ZNF704: variants seen among roughly 807,000 people sequenced by gnomAD.
ZNF704 encodes zinc finger protein 704.
ZNF704 carries 10 observed loss-of-function variants against 44.7 expected under a neutral mutation model. That is an observed-to-expected ratio of 0.22 (90% CI 0.14 to 0.38). The LOEUF is 0.38. Ranked by LOEUF, ZNF704 falls within the 10% of genes least tolerant of loss-of-function variation. The pLI is 1.00. For synonymous variants in ZNF704, 211 were observed against 207.6 expected, an observed-to-expected ratio of 1.02 and a Z score of -0.14; for missense variants, 390 against 545.5, an observed-to-expected ratio of 0.71 and a Z score of 2.84.
chr8:80,864,444 T>C (rs1422771051), intron 1 of ZNF704, among the ~76,000 whole-genome samples: 4 of 152,226 alleles, frequency 2.6e-5, no homozygotes, highest in Non-Finnish European at 5.9e-5. Context: ...CCTTGGCATA[T>C]ATAGTCAGTA....
the ZNF704 span, among the ~76,000 whole-genome samples, chr8:80,880,388 A>G: frequency 2.6e-5 from 4 of 152,248 alleles, no homozygotes; most frequent in South Asian, 4.1e-4. Flanking sequence ...AAAGGCCACC[A>G]TATGTTATAA....
intron 4 of ZNF704, among the ~76,000 whole-genome samples, chr8:80,684,983 C>T (rs950879438): frequency 2.0e-5 from 3 of 152,046 alleles, no homozygotes; most frequent in Non-Finnish European, 4.4e-5. Context: ...TGGCTACAAT[C>T]AGCATCCTAT....
At chr8:80,853,328 A>C (rs973700553) in intron 1 of ZNF704, among the ~76,000 whole-genome samples, 1 of 152,242 alleles carries the variant, frequency 6.6e-6, no homozygotes, top group Non-Finnish European at 1.5e-5. Context: ...CGTTTGCACC[A>C]CTGCACTCCA....
chr8:80,807,655 A>G (rs1023127312), intron 2 of ZNF704, among the ~76,000 whole-genome samples: 9 of 149,708 alleles, frequency 6.0e-5, no homozygotes, highest in African/African-American at 2.3e-4. Context: ...TTGCATTTAA[A>G]AAAGTATAAA....
At chr8:80,860,458 G>A (rs1487062450) in intron 1 of ZNF704, among the ~76,000 whole-genome samples, 1 of 152,186 alleles carries the variant, frequency 6.6e-6, no homozygotes, top group Non-Finnish European at 1.5e-5. Flanking sequence ...CTGCTACATG[G>A]TCTAGTTTGT....
chr8:80,765,963 C>T (rs941221066), intron 2 of ZNF704, among the ~76,000 whole-genome samples: 1 of 151,822 alleles, frequency 6.6e-6, no homozygotes, highest in Non-Finnish European at 1.5e-5. Flanking sequence ...TAGTTTACTG[C>T]GTATGTAAGA....
intron 2 of ZNF704, among the ~76,000 whole-genome samples, chr8:80,728,443 C>T (rs962545139): frequency 8.5e-5 from 13 of 152,284 alleles, no homozygotes; most frequent in African/African-American, 2.9e-4. Flanking sequence ...GAATATCTTC[C>T]ACGCCTGGCA....
rs1007943013 is a variant in ZNF704 at position 80,860,474 on chromosome 8, T to C, written c.-22+14097A>G. Among the ~76,000 whole-genome samples, 10 of 152,364 alleles carry C rather than the reference T, an allele frequency of 6.6e-5. 1 individual carries two copies. The Middle Eastern group carries it at 0.02, about 311-fold the overall frequency. On this transcript the variant is annotated intron_variant, in intron 1 of 8. Coordinates refer to ENST00000327835, the MANE Select transcript of ZNF704 (RefSeq NM_001033723.3). ...TGCTACATGGTCTAGTTTGTCTAACTATAATGTGTTGGTCTTTCTCCTGTT... is the reference window on the plus strand; with the variant it reads ...TGCTACATGGTCTAGTTTGTCTAACCATAATGTGTTGGTCTTTCTCCTGTT...
intron 7 of ZNF704, among the ~76,000 whole-genome samples, chr8:80,654,178 C>T (rs1368228331): frequency 6.6e-6 from 1 of 151,910 alleles, no homozygotes. Flanking sequence ...ACACCTTATA[C>T]AAAAATTAAT....
At chr8:80,669,346 T>C (rs896497200) in intron 5 of ZNF704, among the ~76,000 whole-genome samples, 1 of 152,192 alleles carries the variant, frequency 6.6e-6, no homozygotes, top group African/African-American at 2.4e-5. Flanking sequence ...GAGGGTGTTC[T>C]TCCCTGAGGT....
intron 6 of ZNF704, among the ~76,000 whole-genome samples, chr8:80,661,450 C>T (rs1339355187): frequency 6.6e-6 from 1 of 152,140 alleles, no homozygotes; most frequent in African/African-American, 2.4e-5. Flanking sequence ...GGGTATTTAT[C>T]TAAAGGAAAG....
At chr8:80,711,993 G>T (rs1346474837) in intron 2 of ZNF704, among the ~76,000 whole-genome samples, 2 of 152,142 alleles carry the variant, frequency 1.3e-5, no homozygotes, top group Non-Finnish European at 2.9e-5. Flanking sequence ...CTTAACAAAT[G>T]CTCTGCTATG....
chr8:80,642,052 G>T (rs1319967191), intron 8 of ZNF704, among the ~76,000 whole-genome samples: 1 of 152,184 alleles, frequency 6.6e-6, no homozygotes, highest in Non-Finnish European at 1.5e-5. Context: ...TTTTAAGTAG[G>T]TACTTTCAAA....
intron 7 of ZNF704, among the ~76,000 whole-genome samples, chr8:80,648,893 TGATG>T (rs1429560055): frequency 1.3e-5 from 2 of 152,224 alleles, no homozygotes; most frequent in Non-Finnish European, 2.9e-5. Flanking sequence ...CACTTCCGAA[TGATG>T]TCAAAGCCCT....
rs561781953 is a variant in ZNF704 at position 80,657,072 on chromosome 8, G to A, written c.1032+2513C>T. Reference sequence around the variant, plus strand: ...AGCATTCAGGGACAGCTGCTGGCATGCTGTCCGTGGGTGTACAACAGTCCT... The same window carrying A: ...AGCATTCAGGGACAGCTGCTGGCATACTGTCCGTGGGTGTACAACAGTCCT... On this transcript the variant is annotated intron_variant, in intron 7 of 8. Coordinates refer to ENST00000327835, the MANE Select transcript of ZNF704 (RefSeq NM_001033723.3). Among the ~76,000 whole-genome samples the A allele has an allele frequency of 1.8e-4, 28 of 152,266 alleles. No homozygotes were observed. In the East Asian group the frequency reaches 5.0e-3, roughly 27 times the overall value.
chr8:80,647,529 C>T (rs1403913420), intron 7 of ZNF704, among the ~76,000 whole-genome samples: 1 of 152,204 alleles, frequency 6.6e-6, no homozygotes, highest in Non-Finnish European at 1.5e-5. Context: ...GGACAGCAGA[C>T]AGCCTGGAAA....
chr8:80,770,488 T>C (rs1807302030), intron 2 of ZNF704, among the ~76,000 whole-genome samples: 2 of 152,222 alleles, frequency 1.3e-5, no homozygotes, highest in Non-Finnish European at 2.9e-5. Context: ...TTCTGTGTGC[T>C]TATTTGCTAT....
intron 1 of ZNF704, among the ~76,000 whole-genome samples, chr8:80,839,278 T>C (rs969197788): frequency 6.6e-6 from 1 of 152,210 alleles, no homozygotes; most frequent in Non-Finnish European, 1.5e-5. Context: ...CAGAGCAGAT[T>C]AGAAGCAGAT....
chr8:80,821,752 A>C, intron 1 of ZNF704, 137 bp from the exon 2 acceptor site: 1 of 661,364 alleles, frequency 1.5e-6, no homozygotes, highest in Non-Finnish European at 2.6e-6. Flanking sequence ...AATAAGAAAA[A>C]TGCAACATAG....
Sources: allele counts gnomAD v4.1 joint callset (sites outside exome capture counted in the v4.1 genomes callset), GRCh38; gene constraint gnomAD v4.1.1; transcripts MANE v1.5; gene names NCBI Gene and HGNC (gene_info 2026-07-23, HGNC 2026-07-21).